The following ELOVL6 variants were observed in gnomAD, a reference collection of about 807,000 sequenced individuals.
ELOVL6 encodes the protein ELOVL fatty acid elongase 6.
A neutral mutation model predicts 31.7 loss-of-function variants in ELOVL6; 8 were observed. The ratio of observed to expected loss-of-function variants is 0.25; its 90% CI spans 0.15 to 0.45. The LOEUF (loss-of-function observed/expected upper bound fraction) is 0.45, where lower values mean the gene tolerates loss of function less well. ELOVL6 is among the 20% of genes least tolerant of loss of function. The pLI is 1.00. For missense variants in ELOVL6, 126 were observed against 326.4 expected, an observed-to-expected ratio of 0.39 and a Z score of 4.73; for synonymous variants, 101 against 117.7, an observed-to-expected ratio of 0.86 and a Z score of 0.92.
intron 2 of ELOVL6, among the ~76,000 whole-genome samples, chr4:110,062,173 G>T (rs1230865853): frequency 6.6e-6 from 1 of 152,200 alleles, no homozygotes; most frequent in African/African-American, 2.4e-5. Flanking sequence ...AGGGTATGGG[G>T]AGGTCAGTTC....
intron 1 of ELOVL6, among the ~76,000 whole-genome samples, chr4:110,134,699 G>A (rs1757766519): frequency 6.6e-6 from 1 of 152,170 alleles, no homozygotes; most frequent in Non-Finnish European, 1.5e-5. Flanking sequence ...GGTAGCTCAT[G>A]TCTGTAATCC....
intron 1 of ELOVL6, among the ~76,000 whole-genome samples, chr4:110,119,060 A>G (rs1435884953): frequency 6.6e-6 from 1 of 152,204 alleles, no homozygotes; most frequent in Admixed American, 6.5e-5. Flanking sequence ...GAAATTTCAA[A>G]CAAATTAATT....
In ELOVL6 at chr4:110,084,034, G is replaced by GAT. The variant is rs1560813634; in HGVS notation, c.221+21462_221+21463insAT. ...ATGGTATATAACATATGCCATATAT[G>GAT]GTATATAACACATGCTATATATGAT... On this transcript the variant is annotated intron_variant, in intron 2 of 3. Transcript: ENST00000302274. Among the ~76,000 whole-genome samples, 22 of 9,198 alleles carry GAT rather than the reference G, an allele frequency of 2.4e-3. 1 individual carries two copies. The highest frequency in any genetic ancestry group is 0.01 in the South Asian group (3 of 288). The allele number at this position is 9,198 out of a possible 152,430, so 6.0% of individuals were successfully genotyped here.
intron 1 of ELOVL6, among the ~76,000 whole-genome samples, chr4:110,127,866 A>G (rs369407754): frequency 1.6e-4 from 25 of 152,242 alleles, no homozygotes; most frequent in South Asian, 1.5e-3. Flanking sequence ...GCACCCAGAC[A>G]TGTTTTGGGG....
rs143892289 is a variant in ELOVL6, at chr4:110,138,026, T to C, written c.90-32398A>G. Among the ~76,000 whole-genome samples the C allele has an allele frequency of 6.0e-3, 920 of 152,336 alleles. 9 individuals carry two copies. Among genetic ancestry groups the C allele is most frequent in the African/African-American group, 0.021 (858 of 41,582 alleles). On this transcript the variant is annotated intron_variant, in intron 1 of 3. Coordinates refer to ENST00000302274, the MANE Select transcript of ELOVL6 (RefSeq NM_024090.3). ...GTTCAAAGTGAGTCCAATTCTTTCT[T>C]CCACCCACAGCTTCTGCTAAAGTCA... is the stretch of plus-strand genomic sequence containing the variant.
chr4:110,125,474 T>G (rs1028161261), intron 1 of ELOVL6, among the ~76,000 whole-genome samples: 1 of 152,098 alleles, frequency 6.6e-6, no homozygotes, highest in Non-Finnish European at 1.5e-5. Flanking sequence ...ATGGATAAAA[T>G]TTAATTTTCT....
chr4:110,183,105 T>C (rs902112839), intron 1 of ELOVL6, among the ~76,000 whole-genome samples: 1 of 152,172 alleles, frequency 6.6e-6, no homozygotes, highest in Non-Finnish European at 1.5e-5. Flanking sequence ...CCGAGGCTTC[T>C]AGATGACTTT....
chr4:110,096,465 G>C (rs1052394791), intron 2 of ELOVL6, among the ~76,000 whole-genome samples: 1 of 152,186 alleles, frequency 6.6e-6, no homozygotes, highest in African/African-American at 2.4e-5. Flanking sequence ...AGAAAACAAA[G>C]AGAATGTTAA....
rs180821824 is a variant in ELOVL6, at chr4:110,170,924, C to T, written c.89+27323G>A. 2.1e-3 allele frequency among the ~76,000 whole-genome samples: 324 copies of T among 152,304 alleles called. 2 individuals are homozygous for T. Among genetic ancestry groups the T allele is most frequent in the Non-Finnish European group, 7.1e-4 (48 of 68,042 alleles). ...GCCTCAAAAAATGGAATCTCTCTCTCTCTGACCTTCCCTTGCCCTGGTTTC... is the reference window on the plus strand; with the variant it reads ...GCCTCAAAAAATGGAATCTCTCTCTTTCTGACCTTCCCTTGCCCTGGTTTC... On this transcript the variant is annotated intron_variant, in intron 1 of 3. Coordinates refer to ENST00000302274, the MANE Select transcript of ELOVL6 (RefSeq NM_024090.3).
chr4:110,095,354 C>A (rs557756938), intron 2 of ELOVL6, among the ~76,000 whole-genome samples: 1 of 151,960 alleles, frequency 6.6e-6, no homozygotes. Flanking sequence ...TGGTGGCACA[C>A]GCCTGTAATC....
intron 1 of ELOVL6, among the ~76,000 whole-genome samples, chr4:110,158,635 G>GTATATATATATATATATATATATA (rs780807092): frequency 2.0e-4 from 16 of 81,560 alleles, no homozygotes; most frequent in Non-Finnish European, 2.8e-4. Context: ...ATATACACGT[G>GTATATATATATATATATATATATA]TATATATATA....
chr4:110,096,641 T>C (rs960270887), intron 2 of ELOVL6, among the ~76,000 whole-genome samples: 1 of 152,154 alleles, frequency 6.6e-6, no homozygotes, highest in Admixed American at 6.5e-5. Flanking sequence ...AGTATTTTAC[T>C]TGAGCTGTCT....
intron 2 of ELOVL6, among the ~76,000 whole-genome samples, chr4:110,084,885 G>A (rs1756204463): frequency 6.6e-6 from 1 of 151,810 alleles, no homozygotes; most frequent in Non-Finnish European, 1.5e-5. Flanking sequence ...GAGCCACCGT[G>A]CCCGGCGTAT....
intron 1 of ELOVL6, among the ~76,000 whole-genome samples, chr4:110,193,223 CT>C (rs1306618833): frequency 6.6e-6 from 1 of 152,166 alleles, no homozygotes; most frequent in African/African-American, 2.4e-5. Context: ...GTTTTTAGTG[CT>C]TTTTATGTTC....
intron 1 of ELOVL6, among the ~76,000 whole-genome samples, chr4:110,182,958 G>C (rs1759333952): frequency 6.6e-6 from 1 of 152,002 alleles, no homozygotes; most frequent in African/African-American, 2.4e-5. Context: ...AGTAAACTCT[G>C]ACCTTATTTC....
chr4:110,084,603 T>A (rs1158356415), intron 2 of ELOVL6, among the ~76,000 whole-genome samples: 1 of 101,134 alleles, frequency 9.9e-6, no homozygotes, highest in Non-Finnish European at 1.9e-5. Context: ...TTTTTTTTTT[T>A]TTTTTTTTTG....
chr4:110,059,901 G>A, intron 2 of ELOVL6, 147 bp from the exon 3 acceptor site: 1 of 696,016 alleles, frequency 1.4e-6, no homozygotes, highest in Non-Finnish European at 2.3e-6. Context: ...ATCTTAAAAT[G>A]TTCTGTAAAC....
chr4:110,105,528 C>T lies in ELOVL6; in HGVS notation c.190G>A (p.Val64Met), dbSNP rs1237914400. ...RAKFELRKPLVLWSLTLAVFS... is the reference protein window; with the variant it reads ...RAKFELRKPLMLWSLTLAVFS... ...ACTGCAAGGGTCAGAGACCAGAGCA[C>T]TAATGGCTTCCTCAGTTCAAACTTT... The change falls in exon 2 of 4, where the codon GTG becomes ATG. Residue 64 changes from valine to methionine, a missense_variant. This residue lies in a region of ELOVL6 where 53 missense variants were observed against 193.4 expected (regional missense o/e 0.27). Coordinates refer to ENST00000302274, the MANE Select transcript of ELOVL6 (RefSeq NM_024090.3). 1.9e-6 allele frequency: 3 copies of T among 1,613,788 alleles called. No homozygotes were observed. Among genetic ancestry groups the T allele is most frequent in the South Asian group, 2.2e-5 (2 of 91,068 alleles).
chr4:110,130,072 A>G (rs1308092055), intron 1 of ELOVL6, among the ~76,000 whole-genome samples: 1 of 151,392 alleles, frequency 6.6e-6, no homozygotes, highest in Admixed American at 6.6e-5. Flanking sequence ...TAATTTTTGT[A>G]TTTTTAGTAG....
Sources: gnomAD v4.1 joint callset for allele counts (sites outside exome capture counted in the v4.1 genomes callset) on GRCh38, gnomAD v4.1.1 for gene constraint, gnomAD v4.1.1 regional missense constraint, MANE v1.5 for transcripts, NCBI Gene and HGNC (gene_info 2026-07-23, HGNC 2026-07-21) for gene names.